Variants in SAMD4A observed in about 807,000 individuals in gnomAD.
SAMD4A encodes the protein sterile alpha motif domain containing 4A.
A neutral mutation model predicts 81.3 loss-of-function variants in SAMD4A; 33 were observed. That is an observed-to-expected ratio of 0.41 (90% CI 0.31 to 0.54). The LOEUF is 0.54. SAMD4A is among the 20% of genes least tolerant of loss of function. SAMD4A has a pLI of 0.37. For missense variants in SAMD4A, 854 were observed against 951.1 expected (o/e 0.90, Z 1.34); for synonymous variants, 389 against 382.1 (o/e 1.02, Z -0.21).
chr14:54,581,230 C>G (rs1417362058), intron 2 of SAMD4A, among the ~76,000 whole-genome samples: 1 of 152,238 alleles, frequency 6.6e-6, no homozygotes, highest in Non-Finnish European at 1.5e-5. Context: ...TCGTATTATA[C>G]AAAAGCAGAG....
At chr14:54,588,805 G>T (rs758941888) in intron 2 of SAMD4A, among the ~76,000 whole-genome samples, 2 of 151,804 alleles carry the variant, frequency 1.3e-5, no homozygotes, top group Non-Finnish European at 2.9e-5. Flanking sequence ...CATATATATG[G>T]ATTTCCCCCC....
Position 54,737,154 on chromosome 14 carries a change from G to A in SAMD4A, c.846G>A (p.Gln282=). The part of the protein sequence containing the change: ...SHEDLRARGP[Q]CLPSDHAPLS... ...AGGACTTACGAGCTAGAGGACCCCA[G>A]TGCCTCCCATCCGATCATGCCCCCC... is the stretch of plus-strand genomic sequence containing the variant. The change falls in exon 4 of 13, where the codon CAG becomes CAA. Residue 282 remains glutamine, a synonymous_variant. Coordinates refer to ENST00000554335, the MANE Select transcript of SAMD4A (RefSeq NM_015589.6). 2 of 1,614,138 alleles carry A rather than the reference G, an allele frequency of 1.2e-6. No homozygotes were observed. The highest frequency in any genetic ancestry group is 2.2e-5 in the South Asian group (2 of 91,082).
chr14:54,652,545 C>G (rs1396860947), intron 2 of SAMD4A: 2 of 152,154 alleles, frequency 1.3e-5, no homozygotes, highest in African/African-American at 4.8e-5. Context: ...TAGCCCATTA[C>G]AAATACTGTG....
intron 2 of SAMD4A, among the ~76,000 whole-genome samples, chr14:54,631,885 A>G (rs1431772352): frequency 2.6e-5 from 4 of 152,192 alleles, no homozygotes; most frequent in Non-Finnish European, 5.9e-5. Context: ...ATTTTTGTGC[A>G]TTTTTGGTAA....
chr14:54,771,453 A>G (rs1388293405), intron 9 of SAMD4A, among the ~76,000 whole-genome samples: 1 of 152,062 alleles, frequency 6.6e-6, no homozygotes, highest in East Asian at 1.9e-4. Context: ...GGCAACTCTC[A>G]TGGTCTCAGG....
At chr14:54,681,303 C>T (rs2036122431) in intron 2 of SAMD4A, among the ~76,000 whole-genome samples, 1 of 152,012 alleles carries the variant, frequency 6.6e-6, no homozygotes, top group South Asian at 2.1e-4. Flanking sequence ...ATCTTGCCCA[C>T]TTTTGAAAAA....
At chr14:54,676,512 G>A (rs527478350) in intron 2 of SAMD4A, among the ~76,000 whole-genome samples, 70 of 152,062 alleles carry the variant, frequency 4.6e-4, no homozygotes, top group Non-Finnish European at 7.5e-4. Context: ...GAGTAGCTGG[G>A]GCTACAGGCA....
intron 7 of SAMD4A, among the ~76,000 whole-genome samples, chr14:54,761,990 G>A (rs1341629123): frequency 6.6e-6 from 1 of 152,224 alleles, no homozygotes; most frequent in Non-Finnish European, 1.5e-5. Context: ...AGTGCTTACA[G>A]TAGATGCCTC....
At chr14:54,631,562 A>G (rs1247372735) in intron 2 of SAMD4A, among the ~76,000 whole-genome samples, 1 of 152,208 alleles carries the variant, frequency 6.6e-6, no homozygotes, top group East Asian at 1.9e-4. Flanking sequence ...CCAGGTGGTC[A>G]TTTCTAGGGC....
chr14:54,625,786 G>A (rs1162239468), intron 2 of SAMD4A, among the ~76,000 whole-genome samples: 1 of 152,166 alleles, frequency 6.6e-6, no homozygotes, highest in Admixed American at 6.5e-5. Flanking sequence ...GGCATGTTCA[G>A]CTCATGACTA....
chr14:54,624,095 C>A (rs886933799), intron 2 of SAMD4A, among the ~76,000 whole-genome samples: 3 of 152,188 alleles, frequency 2.0e-5, no homozygotes, highest in African/African-American at 7.2e-5. Flanking sequence ...CTTGTCTCAG[C>A]CTCCCGAGTA....
At chr14:54,592,570 C>G (rs1437972643) in intron 2 of SAMD4A, among the ~76,000 whole-genome samples, 1 of 152,170 alleles carries the variant, frequency 6.6e-6, no homozygotes, top group Admixed American at 6.5e-5. Flanking sequence ...CGCCATTCTC[C>G]TGCCTCAGCC....
chr14:54,688,342 G>A (rs1192256015), intron 2 of SAMD4A: 5 of 985,512 alleles, frequency 5.1e-6, no homozygotes, highest in Non-Finnish European at 6.0e-6. Flanking sequence ...CTGGGCTTCT[G>A]CAGACTCATC....
At chr14:54,705,602 C>A (rs1054605980) in intron 3 of SAMD4A, among the ~76,000 whole-genome samples, 4 of 151,586 alleles carry the variant, frequency 2.6e-5, no homozygotes, top group Non-Finnish European at 5.9e-5. Flanking sequence ...TTGTTTTTAA[C>A]CTTGGTTTAT....
At chr14:54,641,650 A>G (rs1304862028) in intron 2 of SAMD4A, among the ~76,000 whole-genome samples, 1 of 152,208 alleles carries the variant, frequency 6.6e-6, no homozygotes, top group Non-Finnish European at 1.5e-5. Flanking sequence ...ACAACCCACC[A>G]TTAAGAGGCA....
At chr14:54,740,188 A>C (rs1323525829) in intron 4 of SAMD4A, among the ~76,000 whole-genome samples, 1 of 152,206 alleles carries the variant, frequency 6.6e-6, no homozygotes, top group Non-Finnish European at 1.5e-5. Context: ...AAAAACATAA[A>C]AAATAAAAAT....
At chr14:54,758,219 C>G (rs2038296877) in intron 6 of SAMD4A, among the ~76,000 whole-genome samples, 1 of 152,186 alleles carries the variant, frequency 6.6e-6, no homozygotes, top group Admixed American at 6.5e-5. Context: ...TTCGTGCCAA[C>G]TAGGCTAAGG....
At chr14:54,657,357 T>G (rs1210632070) in intron 2 of SAMD4A, among the ~76,000 whole-genome samples, 1 of 152,232 alleles carries the variant, frequency 6.6e-6, no homozygotes, top group Non-Finnish European at 1.5e-5. Flanking sequence ...CTCTATTGCC[T>G]TCCCATCTCT....
intron 3 of SAMD4A, among the ~76,000 whole-genome samples, chr14:54,716,626 G>A (rs1017439163): frequency 6.6e-6 from 1 of 152,150 alleles, no homozygotes; most frequent in Non-Finnish European, 1.5e-5. Flanking sequence ...ACTCTTAAAT[G>A]GGGGTAAGGT....
Sources: allele counts gnomAD v4.1 joint callset (sites outside exome capture counted in the v4.1 genomes callset), GRCh38; gene constraint gnomAD v4.1.1; transcripts MANE v1.5; gene names NCBI Gene and HGNC (gene_info 2026-07-23, HGNC 2026-07-21).